Variants in KALRN observed in about 807,000 individuals in gnomAD.
The protein encoded by KALRN is kalirin.
A neutral mutation model predicts 353.7 loss-of-function variants in KALRN; 70 were observed. The ratio of observed to expected loss-of-function variants is 0.20; its 90% CI spans 0.16 to 0.24. KALRN has a LOEUF of 0.24. Ranked by LOEUF, KALRN falls within the 10% of genes least tolerant of loss-of-function variation. KALRN has a pLI of 1.00. For synonymous variants in KALRN, 1,391 were observed against 1,434.8 expected, an observed-to-expected ratio of 0.97 and a Z score of 0.69; for missense variants, 2,791 against 3,756.7, an observed-to-expected ratio of 0.74 and a Z score of 6.72.
intron 3 of KALRN, among the ~76,000 whole-genome samples, chr3:124,260,842 T>C (rs1354047780): frequency 1.4e-5 from 2 of 147,812 alleles, no homozygotes; most frequent in Non-Finnish European, 3.0e-5. Context: ...CTCTTTTGCT[T>C]CTCTGACTTT....
At chr3:124,644,789 G>A (rs1371926236) in intron 37 of KALRN, among the ~76,000 whole-genome samples, 4 of 152,250 alleles carry the variant, frequency 2.6e-5, no homozygotes, top group South Asian at 2.1e-4. Flanking sequence ...ATAAACATAC[G>A]TGTTCATGTG....
chr3:124,560,689 CAAAAAT>C (rs2071879615), intron 33 of KALRN, among the ~76,000 whole-genome samples: 1 of 152,036 alleles, frequency 6.6e-6, no homozygotes, highest in Admixed American at 6.6e-5. Flanking sequence ...CATGTCGCTA[CAAAAAT>C]AAAAATAAAA....
At chr3:124,366,376 A>T (rs1396413115) in intron 10 of KALRN, among the ~76,000 whole-genome samples, 1 of 147,624 alleles carries the variant, frequency 6.8e-6, no homozygotes, top group Non-Finnish European at 1.5e-5. Context: ...TGTGTCCCTG[A>T]TTACTTGAGA....
chr3:124,120,711 A>ATATATATATATATATATATAT (rs2063898907), intron 1 of KALRN, among the ~76,000 whole-genome samples: 30 of 98,890 alleles, frequency 3.0e-4, no homozygotes, highest in African/African-American at 1.2e-3. Context: ...GAATACTAAA[A>ATATATATATATATATATATAT]ATATATATAT....
chr3:124,489,540 A>G (rs1204258519), intron 29 of KALRN, among the ~76,000 whole-genome samples: 1 of 151,996 alleles, frequency 6.6e-6, no homozygotes, highest in Admixed American at 6.6e-5. Flanking sequence ...AGCCCTGGCT[A>G]TTTTCCCTAG....
At chr3:124,477,444 C>A in intron 27 of KALRN, 110 bp downstream of exon 27, 1 of 820,656 alleles carries the variant, frequency 1.2e-6, no homozygotes, top group Admixed American at 2.2e-5. Flanking sequence ...TTTTTCTTTA[C>A]TGGCCACTGC....
At chr3:124,653,687 G>A (rs376781466) in intron 38 of KALRN, among the ~76,000 whole-genome samples, 4 of 152,318 alleles carry the variant, frequency 2.6e-5, no homozygotes, top group East Asian at 3.9e-4. Flanking sequence ...TTCTGTGGAA[G>A]ACCAGCCATT....
chr3:124,666,764 C>G, intron 46 of KALRN, 130 bp downstream of exon 46: 1 of 794,018 alleles, frequency 1.3e-6, no homozygotes, highest in Non-Finnish European at 2.0e-6. Flanking sequence ...AACATTCGGT[C>G]ATGGAGGCTG....
chr3:124,328,609 C>A (rs933055190), intron 7 of KALRN, among the ~76,000 whole-genome samples: 8 of 152,216 alleles, frequency 5.3e-5, no homozygotes, highest in African/African-American at 1.7e-4. Context: ...GCACCTGGCA[C>A]TCTTCCAGAA....
intron 14 of KALRN, among the ~76,000 whole-genome samples, chr3:124,413,902 T>G (rs1019200021): frequency 3.0e-4 from 45 of 152,168 alleles, no homozygotes; most frequent in Non-Finnish European, 1.5e-4. Context: ...GGTCAGGAGT[T>G]CGAGAGCAGC....
At chr3:124,663,223 AGGCGTGAGCCACCACACTG>A (rs1228353067) in intron 45 of KALRN, among the ~76,000 whole-genome samples, 2 of 152,224 alleles carry the variant, frequency 1.3e-5, no homozygotes, top group Non-Finnish European at 2.9e-5. Flanking sequence ...CTGGGATTAT[AGGCGTGAGCCACCACACTG>A]GGCCGTTTCC....
chr3:124,372,846 G>C (rs1023632410), intron 10 of KALRN, among the ~76,000 whole-genome samples: 5 of 152,172 alleles, frequency 3.3e-5, no homozygotes, highest in Non-Finnish European at 7.4e-5. Flanking sequence ...CAAGGCAAAA[G>C]ACTAGATTTC....
At chr3:124,649,814 G>A (rs1455134692) in intron 37 of KALRN, among the ~76,000 whole-genome samples, 1 of 150,646 alleles carries the variant, frequency 6.6e-6, no homozygotes, top group Admixed American at 6.7e-5. Context: ...TAGATAGATA[G>A]ATAGATAGAT....
intron 6 of KALRN, among the ~76,000 whole-genome samples, chr3:124,302,657 G>A (rs1580714995): frequency 6.6e-6 from 1 of 152,190 alleles, no homozygotes; most frequent in Non-Finnish European, 1.5e-5. Context: ...TGCTAGGGCT[G>A]CCATAACAAT....
intron 38 of KALRN, among the ~76,000 whole-genome samples, chr3:124,652,669 C>T (rs540456829): frequency 6.6e-6 from 1 of 152,156 alleles, no homozygotes; most frequent in African/African-American, 2.4e-5. Context: ...CTCCGCCTCC[C>T]GGGTTCACAC....
At chr3:124,120,736 A>ATATATATATATATATG (rs1553774505) in intron 1 of KALRN, among the ~76,000 whole-genome samples, 5 of 144,388 alleles carry the variant, frequency 3.5e-5, no homozygotes, top group African/African-American at 1.3e-4. Context: ...ATATATATAT[A>ATATATATATATATATG]TATATATATT....
chr3:124,040,264 T>G (rs1160054816), intron 1 of KALRN, among the ~76,000 whole-genome samples: 2 of 152,114 alleles, frequency 1.3e-5, no homozygotes, highest in African/African-American at 4.8e-5. Context: ...GAACTAGAGG[T>G]TCTTCTTAGA....
At chr3:124,456,522 T>C (rs977474337) in intron 22 of KALRN, 88 bp from the exon 23 acceptor site, 3 of 825,736 alleles carry the variant, frequency 3.6e-6, no homozygotes, top group Non-Finnish European at 6.0e-6. Context: ...TTATATCTTT[T>C]TTTCCCCCTT....
At chr3:124,166,314 G>A (rs1343385280) in intron 1 of KALRN, among the ~76,000 whole-genome samples, 1 of 152,176 alleles carries the variant, frequency 6.6e-6, no homozygotes, top group African/African-American at 2.4e-5. Flanking sequence ...ATATTGAACA[G>A]ATGAAGGTTG....
Sources: allele counts gnomAD v4.1 joint callset (sites outside exome capture counted in the v4.1 genomes callset), GRCh38; gene constraint gnomAD v4.1.1; transcripts MANE v1.5; gene names NCBI Gene and HGNC (gene_info 2026-07-23, HGNC 2026-07-21).